The following PAWR variants were observed in gnomAD, a reference collection of about 807,000 sequenced individuals.
The protein encoded by PAWR is pro-apoptotic WT1 regulator.
PAWR carries 23 observed loss-of-function variants against 32.0 expected under a neutral mutation model. The ratio of observed to expected loss-of-function variants is 0.72; its 90% CI spans 0.52 to 1.02. The LOEUF is 1.02. PAWR is among the 50% of genes least tolerant of loss of function. The pLI is 0.00. For missense variants in PAWR, 457 were observed against 437.7 expected, an observed-to-expected ratio of 1.04 and a Z score of -0.39; for synonymous variants, 226 against 187.1, an observed-to-expected ratio of 1.21 and a Z score of -1.70.
chr12:79,606,750 G>T (rs1443432847), intron 4 of PAWR, among the ~76,000 whole-genome samples: 2 of 152,078 alleles, frequency 1.3e-5, no homozygotes, highest in Non-Finnish European at 2.9e-5. Context: ...CTACCATGAG[G>T]TAATGCAACA....
intron 4 of PAWR, among the ~76,000 whole-genome samples, chr12:79,600,393 A>G: frequency 6.6e-6 from 1 of 151,950 alleles, no homozygotes; most frequent in East Asian, 1.9e-4. Context: ...TTTTAAAATT[A>G]CTATATATTT....
chr12:79,606,779 A>G (rs1035568987), intron 4 of PAWR, among the ~76,000 whole-genome samples: 2 of 152,214 alleles, frequency 1.3e-5, no homozygotes, highest in Non-Finnish European at 2.9e-5. Flanking sequence ...CACAATCTGC[A>G]AATTATTACT....
rs747113188 is a variant in PAWR, at chr12:79,586,919, G to A, written c.*5688C>T. On this transcript the variant is annotated 3_prime_UTR_variant, in exon 7 of 7. Coordinates refer to ENST00000328827, the MANE Select transcript of PAWR (RefSeq NM_002583.4). ...ACCAGTCTCTCTCTTTAATATGAAG[G>A]CCCAACATTACATAATTCTTTTTAA... 1.3e-5 allele frequency: 2 copies of A among 151,992 alleles called. No homozygotes were observed. The highest frequency in any genetic ancestry group is 2.9e-5 in the Non-Finnish European group (2 of 67,968). The allele number at this position is 151,992 out of a possible 1,614,324, so 9.4% of individuals were successfully genotyped here.
intron 2 of PAWR, among the ~76,000 whole-genome samples, chr12:79,649,712 G>C (rs1472480107): frequency 6.6e-6 from 1 of 152,090 alleles, no homozygotes; most frequent in Admixed American, 6.6e-5. Flanking sequence ...GATGGTTTGA[G>C]CCCAGGATTT....
chr12:79,607,587 G>A lies in PAWR; in HGVS notation c.683+5988C>T, dbSNP rs149030532. ...CTACAAAAAATTTAAAAATTAGCTGGGTGTGGTGGCACATGCCTGTAGTTA... is the reference window on the plus strand; with the variant it reads ...CTACAAAAAATTTAAAAATTAGCTGAGTGTGGTGGCACATGCCTGTAGTTA... On this transcript the variant is annotated intron_variant, in intron 4 of 6. Coordinates refer to ENST00000328827, the MANE Select transcript of PAWR (RefSeq NM_002583.4). Among the ~76,000 whole-genome samples the A allele has an allele frequency of 6.8e-3, 1,040 of 151,980 alleles. 12 individuals carry two copies. The highest frequency in any genetic ancestry group is 0.041 in the Middle Eastern group (12 of 294).
intron 4 of PAWR, among the ~76,000 whole-genome samples, chr12:79,598,273 G>A (rs1873835856): frequency 6.6e-6 from 1 of 152,146 alleles, no homozygotes; most frequent in Admixed American, 6.5e-5. Flanking sequence ...GTTAATCTAG[G>A]TTGGACCGAG....
intron 4 of PAWR, chr12:79,597,853 T>A (rs990721682): frequency 1.3e-5 from 2 of 152,226 alleles, no homozygotes; most frequent in African/African-American, 4.8e-5. Flanking sequence ...TGGTCAGGAA[T>A]TTAGAAGCAG....
At chr12:79,643,621 C>A (rs1256149007) in intron 2 of PAWR, among the ~76,000 whole-genome samples, 3 of 152,136 alleles carry the variant, frequency 2.0e-5, no homozygotes, top group African/African-American at 7.2e-5. Flanking sequence ...AAAAAGCCTT[C>A]ATAAAACACA....
chr12:79,602,214 T>C (rs1356906099), intron 4 of PAWR, among the ~76,000 whole-genome samples: 1 of 152,200 alleles, frequency 6.6e-6, no homozygotes, highest in African/African-American at 2.4e-5. Context: ...TACACAGTAG[T>C]AGCTTTTAAA....
At chr12:79,659,804 C>T (rs1393789975) in intron 2 of PAWR, among the ~76,000 whole-genome samples, 4 of 151,954 alleles carry the variant, frequency 2.6e-5, no homozygotes, top group Admixed American at 2.6e-4. Flanking sequence ...TGTTGCCCAT[C>T]CTGTTTAATT....
chr12:79,604,785 T>A, intron 4 of PAWR: 1 of 813,706 alleles, frequency 1.2e-6, no homozygotes, highest in South Asian at 1.5e-5. Context: ...TCAACTCCCA[T>A]TATATTAAAC....
At chr12:79,679,745 A>G (rs1252498883) in intron 2 of PAWR, among the ~76,000 whole-genome samples, 2 of 152,194 alleles carry the variant, frequency 1.3e-5, no homozygotes, top group African/African-American at 4.8e-5. Context: ...AGCTTTCTGG[A>G]AAGACTACAT....
At chr12:79,624,125 G>T (rs904560672) in intron 2 of PAWR, among the ~76,000 whole-genome samples, 1 of 152,052 alleles carries the variant, frequency 6.6e-6, no homozygotes, top group African/African-American at 2.4e-5. Context: ...AACATCATTA[G>T]CTTAAAGTTG....
chr12:79,594,559 T>TA (rs2136672730), intron 5 of PAWR, 126 bp from the exon 6 acceptor site: 6 of 582,850 alleles, frequency 1.0e-5, no homozygotes, highest in Non-Finnish European at 1.8e-5. Context: ...ATGAATCCCT[T>TA]AAGACATTTG....
At chr12:79,607,424 G>A (rs1874230372) in intron 4 of PAWR, among the ~76,000 whole-genome samples, 1 of 152,160 alleles carries the variant, frequency 6.6e-6, no homozygotes, top group African/African-American at 2.4e-5. Context: ...ATTTCCCACC[G>A]TTAAAGAATC....
chr12:79,627,838 G>C (rs1362109832), intron 2 of PAWR, among the ~76,000 whole-genome samples: 4 of 152,212 alleles, frequency 2.6e-5, no homozygotes, highest in African/African-American at 9.6e-5. Context: ...AAGAGACTTA[G>C]ACTCCCACAC....
intron 4 of PAWR, among the ~76,000 whole-genome samples, chr12:79,610,127 T>A (rs1016414933): frequency 2.6e-5 from 4 of 152,176 alleles, no homozygotes; most frequent in African/African-American, 9.6e-5. Context: ...TGCACTCCAG[T>A]TCCTGCCTGC....
intron 2 of PAWR, among the ~76,000 whole-genome samples, chr12:79,679,788 T>A (rs1378421283): frequency 1.3e-5 from 2 of 152,196 alleles, no homozygotes; most frequent in Non-Finnish European, 2.9e-5. Flanking sequence ...GGCTAGATGA[T>A]CTCTAAACAC....
At chr12:79,675,155 T>C (rs532703830) in intron 2 of PAWR, among the ~76,000 whole-genome samples, 1 of 152,102 alleles carries the variant, frequency 6.6e-6, no homozygotes, top group Non-Finnish European at 1.5e-5. Flanking sequence ...GGCGGGTGGA[T>C]CGCTTGGGCT....
Sources: allele counts gnomAD v4.1 joint callset (sites outside exome capture counted in the v4.1 genomes callset), GRCh38; gene constraint gnomAD v4.1.1; transcripts MANE v1.5; gene names NCBI Gene and HGNC (gene_info 2026-07-23, HGNC 2026-07-21).